EPHA3: variants seen among roughly 807,000 people sequenced by gnomAD.
EPHA3 encodes the protein EPH receptor A3.
A neutral mutation model predicts 107.1 loss-of-function variants in EPHA3; 42 were observed. The observed-to-expected ratio is 0.39, with a 90% CI of 0.31 to 0.51. The LOEUF (loss-of-function observed/expected upper bound fraction) is 0.51. EPHA3 is among the 20% of genes least tolerant of loss of function. EPHA3 has a pLI of 0.78. For missense variants in EPHA3, 1,183 were observed against 1,211.2 expected (o/e 0.98, Z 0.35); for synonymous variants, 461 against 424.8 (o/e 1.09, Z -1.05).
At chr3:89,214,082 A>G (rs565805599) in intron 3 of EPHA3, among the ~76,000 whole-genome samples, 1 of 152,126 alleles carries the variant, frequency 6.6e-6, no homozygotes, top group Non-Finnish European at 1.5e-5. Context: ...TCATCAATTT[A>G]TGTACATGAG....
intron 2 of EPHA3, among the ~76,000 whole-genome samples, chr3:89,144,813 T>C (rs570783449): frequency 2.0e-5 from 3 of 151,800 alleles, no homozygotes; most frequent in Non-Finnish European, 4.4e-5. Context: ...CCAAAGCTGA[T>C]TATTAAACTT....
chr3:89,449,001 A>G (rs1237610706), intron 13 of EPHA3, among the ~76,000 whole-genome samples: 1 of 151,752 alleles, frequency 6.6e-6, no homozygotes, highest in African/African-American at 2.4e-5. Context: ...TTTATATATA[A>G]TTTCAAAATC....
rs764778740 is a variant in EPHA3, at chr3:89,342,107, T to C, written c.1306+17T>C. ...ATCAGGCTGGTGAGTACATACTAGA[T>C]GCTTCTTACTCTTATCATATCACGT... On this transcript the variant is annotated intron_variant, in intron 5 of 16. Transcript: ENST00000336596. The C allele has an allele frequency of 9.4e-6, 15 of 1,591,676 alleles. No individual in the cohort carries two copies. The highest frequency in any genetic ancestry group is 1.2e-5 in the Non-Finnish European group (14 of 1,166,796).
At chr3:89,289,946 C>T (rs1706174028) in intron 3 of EPHA3, among the ~76,000 whole-genome samples, 1 of 152,082 alleles carries the variant, frequency 6.6e-6, no homozygotes, top group Admixed American at 6.6e-5. Flanking sequence ...GGGTTGTGAA[C>T]ATCAAAGAAA....
rs181314125 is a variant in EPHA3, at chr3:89,427,740, G to T, written c.2075-1366G>T. On this transcript the variant is annotated intron_variant, in intron 11 of 16. Transcript: ENST00000336596. ...GTTGCTTAAACCCACAATGTTTTCT[G>T]GGTAGGAATCAGTAAAATGGGAATA... 4.0e-5 allele frequency among the ~76,000 whole-genome samples: 6 copies of T among 151,824 alleles called. No homozygotes were observed. The East Asian group carries it at 1.2e-3, about 29-fold the overall frequency.
intron 3 of EPHA3, among the ~76,000 whole-genome samples, chr3:89,244,852 G>A (rs1196710904): frequency 1.3e-5 from 2 of 152,124 alleles, no homozygotes; most frequent in African/African-American, 4.8e-5. Context: ...TTAAGCATTG[G>A]TTTCGGAAAT....
chr3:89,182,715 T>C (rs1705470753), intron 2 of EPHA3, among the ~76,000 whole-genome samples: 1 of 151,940 alleles, frequency 6.6e-6, no homozygotes, highest in Non-Finnish European at 1.5e-5. Context: ...ATAGTCTATG[T>C]ATGTAAAAGT....
At chr3:89,126,250 A>G (rs761425108) in intron 1 of EPHA3, among the ~76,000 whole-genome samples, 6 of 151,726 alleles carry the variant, frequency 4.0e-5, no homozygotes, top group Admixed American at 6.6e-5. Flanking sequence ...CCATTAGTCA[A>G]TCATGGGATT....
At chr3:89,388,380 A>C (rs115753705) in intron 5 of EPHA3, among the ~76,000 whole-genome samples, 2,431 of 152,292 alleles carry the variant, frequency 0.016, 64 homozygotes, top group African/African-American at 0.055. Context: ...ATGCAGTCAG[A>C]TAAATAATGG....
intron 5 of EPHA3, among the ~76,000 whole-genome samples, chr3:89,364,154 C>G (rs1193011129): frequency 6.6e-6 from 1 of 150,844 alleles, no homozygotes. Flanking sequence ...CACTGTTTCC[C>G]TTTACCGACC....
chr3:89,407,438 T>A, intron 8 of EPHA3, 67 bp downstream of exon 8: 1 of 1,291,844 alleles, frequency 7.7e-7, no homozygotes, highest in Non-Finnish European at 1.1e-6. Flanking sequence ...TGATTGCTGT[T>A]AAAATGTGAA....
chr3:89,475,340 G>A (rs770631960), intron 16 of EPHA3, among the ~76,000 whole-genome samples: 7 of 152,062 alleles, frequency 4.6e-5, no homozygotes, highest in Admixed American at 6.6e-5. Context: ...TGATTTGCTC[G>A]ACCAAATAAC....
intron 3 of EPHA3, among the ~76,000 whole-genome samples, chr3:89,265,767 T>C (rs912109978): frequency 1.3e-5 from 2 of 152,142 alleles, no homozygotes; most frequent in African/African-American, 2.4e-5. Flanking sequence ...TGAAATTTAG[T>C]ACATTCTCGG....
chr3:89,472,374 A>G, intron 15 of EPHA3, 90 bp from the exon 16 acceptor site: 1 of 1,341,440 alleles, frequency 7.5e-7, no homozygotes, highest in Admixed American at 2.0e-5. Flanking sequence ...TGAAGTCTGG[A>G]AGTTCCTGCC....
At chr3:89,353,851 G>T (rs977426803) in intron 5 of EPHA3, among the ~76,000 whole-genome samples, 1 of 151,248 alleles carries the variant, frequency 6.6e-6, no homozygotes, top group African/African-American at 2.4e-5. Context: ...AGAGCTTCAT[G>T]AATCTAAACT....
rs187675896 is a variant in EPHA3 at position 89,361,832 on chromosome 3, G to T, written c.1306+19742G>T. Among the ~76,000 whole-genome samples, 1,260 of 151,132 alleles carry T rather than the reference G, an allele frequency of 8.3e-3. 62 individuals carry two copies. The highest frequency in any genetic ancestry group is 0.012 in the Non-Finnish European group (785 of 67,416). On this transcript the variant is annotated intron_variant, in intron 5 of 16. Transcript: ENST00000336596. Reference sequence around the variant, plus strand: ...ACATGAGAGCTGGCTTTTGATCATGGTTTAATAATTCCCTCTTTGTTACTT... The same window carrying T: ...ACATGAGAGCTGGCTTTTGATCATGTTTTAATAATTCCCTCTTTGTTACTT...
chr3:89,311,482 C>G (rs567113250), intron 3 of EPHA3, among the ~76,000 whole-genome samples: 9 of 152,056 alleles, frequency 5.9e-5, no homozygotes, highest in Admixed American at 5.9e-4. Flanking sequence ...TTTTAAAATT[C>G]TGCATTTTGT....
chr3:89,432,712 A>G (rs769867197), intron 13 of EPHA3, among the ~76,000 whole-genome samples: 8 of 152,124 alleles, frequency 5.3e-5, no homozygotes, highest in Admixed American at 2.0e-4. Context: ...TAGCCTTTCG[A>G]TTTTTTTAAA....
chr3:89,399,865 A>G lies in EPHA3; in HGVS notation c.1594+385A>G. On this transcript the variant is annotated intron_variant, in intron 7 of 16. Coordinates refer to ENST00000336596, the MANE Select transcript of EPHA3 (RefSeq NM_005233.6). ...CAAAAAAGAAACTTGCTGATCCATG[A>G]GAATCTTAATTTTGTTTTAATCCTT... 6 of 1,076,700 alleles carry G rather than the reference A, an allele frequency of 5.6e-6. No individual in the cohort carries two copies. In the South Asian group the frequency reaches 2.7e-4, roughly 48 times the overall value. The allele number at this position is 1,076,700 out of a possible 1,614,324, so 66.7% of individuals were successfully genotyped here.
Sources: gnomAD v4.1 joint callset for allele counts (sites outside exome capture counted in the v4.1 genomes callset) on GRCh38, gnomAD v4.1.1 for gene constraint, MANE v1.5 for transcripts, NCBI Gene and HGNC (gene_info 2026-07-23, HGNC 2026-07-21) for gene names.